IGF2R: variants seen among roughly 807,000 people sequenced by gnomAD.
IGF2R encodes the protein cation-independent mannose-6-phosphate receptor.
A neutral mutation model predicts 270.6 loss-of-function variants in IGF2R; 91 were observed. The observed-to-expected ratio is 0.34, with a 90% CI of 0.28 to 0.40. The LOEUF is 0.40. Ranked by LOEUF, IGF2R falls within the 10% of genes least tolerant of loss-of-function variation. The pLI, the probability that IGF2R is intolerant of heterozygous loss-of-function variation, is 1.00. For synonymous variants in IGF2R, 1,316 were observed against 1,258.9 expected (o/e 1.05, Z -0.96); for missense variants, 2,805 against 3,188.3 (o/e 0.88, Z 2.90).
intron 23 of IGF2R, among the ~76,000 whole-genome samples, chr6:160,061,155 T>C (rs2115262147): frequency 6.6e-6 from 1 of 152,280 alleles, no homozygotes; most frequent in South Asian, 2.1e-4. Flanking sequence ...GGTACTTCCT[T>C]GTCAAGGGCA....
intron 7 of IGF2R, among the ~76,000 whole-genome samples, 175 bp downstream of exon 7, chr6:160,029,830 A>C (rs772627243): frequency 2.0e-5 from 3 of 152,218 alleles, no homozygotes; most frequent in Non-Finnish European, 4.4e-5. Context: ...CTTCTGTCAC[A>C]TGCAGCTCAC....
intron 1 of IGF2R, among the ~76,000 whole-genome samples, chr6:159,975,743 T>C (rs1447377131): frequency 7.1e-6 from 1 of 140,430 alleles, no homozygotes; most frequent in African/African-American, 2.9e-5. Flanking sequence ...GCATATTTAT[T>C]ATATATATAT....
chr6:160,010,839 A>G, intron 4 of IGF2R, 54 bp downstream of exon 4: 1 of 1,039,936 alleles, frequency 9.6e-7, no homozygotes, highest in Non-Finnish European at 1.5e-6. Flanking sequence ...GGGGAACTTT[A>G]TCTTTCAAAT....
At position 160,084,954 on chromosome 6, in the gene IGF2R, A is replaced by G; in HGVS notation, c.6069-41A>G. 6.3e-7 allele frequency: 1 copy of G among 1,592,322 alleles called. No individual in the cohort carries two copies. Among genetic ancestry groups the G allele is most frequent in the Middle Eastern group, 1.7e-4 (1 of 5,958 alleles). On this transcript the variant is annotated intron_variant, in intron 40 of 47. Transcript: ENST00000356956. This position sits in a 1 kb window ranked among gnomAD's most constrained non-coding sequence, Gnocchi z 4.6. The stretch of plus-strand genomic sequence containing the variant: ...CCTCCTGTGTCAGGGCAGAGACGTC[A>G]CTTGCATGCCTTTTACCTGCCCCTT...
At position 160,104,839 on chromosome 6, in the gene IGF2R, G is replaced by A. The variant is rs779004392; in HGVS notation, c.7231G>A (p.Asp2411Asn). The A allele has an allele frequency of 1.2e-6, 2 of 1,614,202 alleles. No individual in the cohort carries two copies. Among genetic ancestry groups the A allele is most frequent in the Non-Finnish European group, 1.7e-6 (2 of 1,180,040 alleles). ...SLHGDDQDSE[D>N]EVLTIPEVKV... ...GCATGGGGATGACCAGGACAGTGAGGATGAGGTTCTGACCATCCCAGAGGT... is the reference window on the plus strand; with the variant it reads ...GCATGGGGATGACCAGGACAGTGAGAATGAGGTTCTGACCATCCCAGAGGT... The change falls in exon 48 of 48, where the codon GAT becomes AAT. Residue 2411 changes from aspartate (D) to asparagine (N), a missense_variant. Physicochemically the swap from Asp to Asn is conservative, Grantham distance 23. Coordinates refer to ENST00000356956, the MANE Select transcript of IGF2R (RefSeq NM_000876.4).
At chr6:160,009,164 C>CT (rs1784293411) in intron 3 of IGF2R, 30 bp downstream of exon 3, 1 of 1,566,510 alleles carries the variant, frequency 6.4e-7, no homozygotes, top group Admixed American at 1.9e-5. Flanking sequence ...TGATGTATTT[C>CT]TTTAAAAAAA....
At chr6:160,053,912 C>A (rs1196184765) in intron 19 of IGF2R, among the ~76,000 whole-genome samples, 1 of 152,100 alleles carries the variant, frequency 6.6e-6, no homozygotes, top group Non-Finnish European at 1.5e-5. Flanking sequence ...GATGGGGGGT[C>A]TGTCTATGTG....
At chr6:160,019,299 AAAACAAAAC>A (rs1168473041) in intron 4 of IGF2R, among the ~76,000 whole-genome samples, 1 of 152,178 alleles carries the variant, frequency 6.6e-6, no homozygotes, top group African/African-American at 2.4e-5. Flanking sequence ...TAATTTAAGA[AAAACAAAAC>A]AAACAAAACA....
rs769040172 is a variant in IGF2R at position 160,076,010 on chromosome 6, T to C, written c.5316+14T>C. ...GGTGTGAGCATGGTAAGTGTGGGCC[T>C]GTGACGATCTAGATGCTCAACTGCG... On this transcript the variant is annotated intron_variant, in intron 36 of 47. Coordinates refer to ENST00000356956, the MANE Select transcript of IGF2R (RefSeq NM_000876.4). 1 of 1,612,184 alleles carries C rather than the reference T, an allele frequency of 6.2e-7. No homozygotes were observed.
intron 29 of IGF2R, among the ~76,000 whole-genome samples, chr6:160,065,459 C>T (rs916997124): frequency 5.3e-5 from 8 of 152,174 alleles, no homozygotes; most frequent in African/African-American, 9.6e-5. Flanking sequence ...GTTGTGTCAT[C>T]GGTTATTTAT....
At chr6:160,103,509 T>C (rs983581540) in intron 46 of IGF2R, among the ~76,000 whole-genome samples, 2 of 152,164 alleles carry the variant, frequency 1.3e-5, no homozygotes, top group African/African-American at 4.8e-5. Flanking sequence ...GTTAAGTTGC[T>C]CTAGAGGGCC....
At chr6:160,052,618 A>G (rs1381823423) in intron 19 of IGF2R, among the ~76,000 whole-genome samples, 1 of 152,216 alleles carries the variant, frequency 6.6e-6, no homozygotes, top group Admixed American at 6.5e-5. Flanking sequence ...AAGAGCCCAC[A>G]TTGCCAAGAC....
chr6:160,064,654 C>CTGTAAAATAAT, intron 28 of IGF2R, 123 bp downstream of exon 28: 2 of 1,205,960 alleles, frequency 1.7e-6, no homozygotes, highest in Admixed American at 4.0e-5. Flanking sequence ...TTTAAAATAA[C>CTGTAAAATAAT]CATTTACAGA....
chr6:160,079,503 T>C (rs1778930151), intron 37 of IGF2R, 77 bp from the exon 38 acceptor site: 1 of 1,035,428 alleles, frequency 9.7e-7, no homozygotes, highest in South Asian at 3.1e-5. Flanking sequence ...CAGCATCAGC[T>C]GCAATAGTGG....
intron 1 of IGF2R, among the ~76,000 whole-genome samples, chr6:159,976,899 G>T (rs1005106215): frequency 2.6e-5 from 4 of 152,102 alleles, no homozygotes; most frequent in African/African-American, 7.2e-5. Context: ...TCTCTGTTTG[G>T]GTCAAAGTTA....
At chr6:159,983,277 A>C (rs1376474120) in intron 1 of IGF2R, among the ~76,000 whole-genome samples, 1 of 152,200 alleles carries the variant, frequency 6.6e-6, no homozygotes, top group Non-Finnish European at 1.5e-5. Flanking sequence ...AAGTAGAAAC[A>C]CCTTCCTGTC....
chr6:160,046,844 G>A (rs1778079107), intron 15 of IGF2R, among the ~76,000 whole-genome samples, 199 bp downstream of exon 15: 1 of 152,210 alleles, frequency 6.6e-6, no homozygotes, highest in South Asian at 2.1e-4. Flanking sequence ...TGGGAAAGAA[G>A]GGTGGATTGA....
intron 1 of IGF2R, among the ~76,000 whole-genome samples, chr6:159,989,791 C>T (rs1186978584): frequency 6.6e-6 from 1 of 152,182 alleles, no homozygotes; most frequent in African/African-American, 2.4e-5. Flanking sequence ...GTTTTTACTC[C>T]TGCTGAGGAG....
chr6:160,080,295 G>A lies in IGF2R; in HGVS notation c.5833+20G>A, dbSNP rs368227598. On this transcript the variant is annotated intron_variant, in intron 39 of 47. Coordinates refer to ENST00000356956, the MANE Select transcript of IGF2R (RefSeq NM_000876.4). ...GACACTGTGAGTAGGACGGCTCCGC[G>A]TCCCCACATGGCCTGGGGCCTTGAT... is the stretch of plus-strand genomic sequence containing the variant. 6.4e-4 allele frequency: 1,030 copies of A among 1,609,604 alleles called. 7 individuals carry two copies. Among genetic ancestry groups the A allele is most frequent in the South Asian group, 3.9e-3 (354 of 90,834 alleles).
Sources: allele counts gnomAD v4.1 joint callset (sites outside exome capture counted in the v4.1 genomes callset), GRCh38; gene constraint gnomAD v4.1.1; non-coding constraint Gnocchi (gnomAD v3.1); transcripts MANE v1.5; gene names NCBI Gene and HGNC (gene_info 2026-07-23, HGNC 2026-07-21).